The following LYZL1 variants were observed in gnomAD, a reference collection of about 807,000 sequenced individuals.
LYZL1 encodes the protein lysozyme-like protein 1.
Under a neutral mutation model 17.9 loss-of-function variants are expected in LYZL1, and 16 were observed. The observed-to-expected ratio is 0.90, with a 90% CI of 0.61 to 1.36. The LOEUF (loss-of-function observed/expected upper bound fraction) is 1.36, where lower values mean the gene tolerates loss of function less well. Among genes scored for constraint, LYZL1 ranks in the 40% most tolerant of loss-of-function variants. The probability of loss-of-function intolerance (pLI) is 0.00; values close to 1 mark genes in which losing one functional copy is unlikely to be tolerated. For missense variants in LYZL1, 149 were observed against 188.4 expected (o/e 0.79, Z 1.22); for synonymous variants, 58 against 71.8 (o/e 0.81, Z 0.97).
At chr10:29,300,805 T>G (rs1364005782) in intron 3 of LYZL1, among the ~76,000 whole-genome samples, 1 of 152,202 alleles carries the variant, frequency 6.6e-6, no homozygotes, top group African/African-American at 2.4e-5. Context: ...AATTCTGGGA[T>G]GACAGTTGTT....
At chr10:29,292,471 C>G (rs1237747826) in intron 2 of LYZL1, 48 bp from the exon 3 acceptor site, 13 of 1,601,212 alleles carry the variant, frequency 8.1e-6, no homozygotes, top group Non-Finnish European at 1.1e-5. Context: ...AAGCTTAGAG[C>G]AAAAGATGCA....
intron 3 of LYZL1, among the ~76,000 whole-genome samples, chr10:29,295,393 G>A (rs751891359): frequency 6.6e-6 from 1 of 152,186 alleles, no homozygotes; most frequent in Non-Finnish European, 1.5e-5. Flanking sequence ...AAAACATTCA[G>A]TATATTCACT....
In LYZL1 at chr10:29,311,094, C is replaced by A. The variant is rs749499362; in HGVS notation, c.*35C>A. The A allele has an allele frequency of 1.2e-6, 2 of 1,614,096 alleles. No homozygotes were observed. The highest frequency in any genetic ancestry group is 2.2e-5 in the East Asian group (1 of 44,884). ...GGACCCAGGATGCTTTGCAGCAACGCCCTAGGATTTGCAGTGAATGTCCAA... is the reference window on the plus strand; with the variant it reads ...GGACCCAGGATGCTTTGCAGCAACGACCTAGGATTTGCAGTGAATGTCCAA... On this transcript the variant is annotated 3_prime_UTR_variant, in exon 5 of 5. Transcript: ENST00000649382.
chr10:29,293,863 A>T (rs889741862), intron 3 of LYZL1, among the ~76,000 whole-genome samples: 1 of 151,878 alleles, frequency 6.6e-6, no homozygotes, highest in Non-Finnish European at 1.5e-5. Context: ...AATCCCAGCT[A>T]CTCGGGAGGC....
chr10:29,310,029 G>A (rs1244539861), intron 3 of LYZL1, 81 bp from the exon 4 acceptor site: 4 of 979,282 alleles, frequency 4.1e-6, no homozygotes, highest in Non-Finnish European at 6.2e-6. Flanking sequence ...AAAAGACTGA[G>A]AAAAGTGAAG....
intron 3 of LYZL1, among the ~76,000 whole-genome samples, chr10:29,295,311 C>T (rs900188364): frequency 6.6e-6 from 1 of 152,198 alleles, no homozygotes; most frequent in African/African-American, 2.4e-5. Context: ...TTATGTTACA[C>T]ATAAAAACTT....
At chr10:29,314,691 A>G (rs16930161), downstream of LYZL1, among the ~76,000 whole-genome samples, 5,347 of 152,322 alleles carry the variant, frequency 0.035, 159 homozygotes, top group South Asian at 0.079. Flanking sequence ...AAGTTTACAA[A>G]TAAGACCTTG....
chr10:29,289,999 T>C (rs988238533), intron 1 of LYZL1, among the ~76,000 whole-genome samples: 1 of 152,198 alleles, frequency 6.6e-6, no homozygotes, highest in Non-Finnish European at 1.5e-5. Context: ...GTAATGTACA[T>C]GCCCCTCATG....
intron 3 of LYZL1, among the ~76,000 whole-genome samples, chr10:29,302,524 A>G (rs56060388): frequency 0.047 from 7,210 of 152,284 alleles, 175 homozygotes; most frequent in Middle Eastern, 0.12. Flanking sequence ...GCATTTGCGC[A>G]GTAGCTGTAC....
chr10:29,318,006 G>A (rs1361662840), intron 4 of LYZL1: 2 of 209,896 alleles, frequency 9.5e-6, no homozygotes, highest in East Asian at 3.7e-4. Flanking sequence ...CTATAATTTT[G>A]TAATAGGTGA....
In LYZL1 at chr10:29,297,084, G is replaced by GAA. The variant is rs35535332; in HGVS notation, c.298+4421_298+4422dup. 4.8e-3 allele frequency among the ~76,000 whole-genome samples: 586 copies of GAA among 123,094 alleles called. 8 individuals carry two copies. In the South Asian group the frequency reaches 0.049, roughly 10 times the overall value. 80.8% of individuals were successfully genotyped at this position (123,094 alleles called of 152,430 possible). On this transcript the variant is annotated intron_variant, in intron 3 of 4. Coordinates refer to ENST00000649382, the MANE Select transcript of LYZL1 (RefSeq NM_032517.6). ...TGAAACAAAGCAAGATGCTTTTTTTGAAAAAAAAAAAAAAAGAGAGAAAAA... is the reference window on the plus strand; with the variant it reads ...TGAAACAAAGCAAGATGCTTTTTTTGAAAAAAAAAAAAAAAAAGAGAGAAAAA...
At chr10:29,312,370 T>C (rs1304471664), downstream of LYZL1, among the ~76,000 whole-genome samples, 3 of 151,358 alleles carry the variant, frequency 2.0e-5, no homozygotes, top group East Asian at 1.9e-4. Context: ...TATTAGAGCA[T>C]TATGAGATTT....
chr10:29,298,322 T>C (rs181469320), intron 3 of LYZL1, among the ~76,000 whole-genome samples: 1 of 152,320 alleles, frequency 6.6e-6, no homozygotes, highest in African/African-American at 2.4e-5. Context: ...CTTCAAGGGA[T>C]GTGACTTGTG....
intron 3 of LYZL1, 49 bp from the exon 4 acceptor site, chr10:29,310,061 C>A (rs777644717): frequency 7.2e-7 from 1 of 1,386,046 alleles, no homozygotes; most frequent in Non-Finnish European, 1.0e-6. Flanking sequence ...TGAGGTCCCT[C>A]TCCAACAACA....
chr10:29,310,492 T>C, intron 4 of LYZL1, among the ~76,000 whole-genome samples: 1 of 147,806 alleles, frequency 6.8e-6, no homozygotes, highest in East Asian at 1.9e-4. Flanking sequence ...CTGAATCAAT[T>C]CGAGAGAGGA....
At chr10:29,297,517 T>TA (rs1835462538) in intron 3 of LYZL1, among the ~76,000 whole-genome samples, 1 of 152,224 alleles carries the variant, frequency 6.6e-6, no homozygotes, top group Non-Finnish European at 1.5e-5. Context: ...TCATAACTTT[T>TA]AAATTGCATG....
At chr10:29,289,259 C>G in intron 1 of LYZL1, 29 bp downstream of exon 1, 1 of 460,012 alleles carries the variant, frequency 2.2e-6, no homozygotes. Context: ...TTATGAGAAC[C>G]AGCAATGGCA....
downstream of LYZL1, among the ~76,000 whole-genome samples, chr10:29,315,931 G>A (rs977600419): frequency 1.4e-4 from 22 of 152,046 alleles, no homozygotes; most frequent in African/African-American, 5.1e-4. Context: ...TCAGCCCCCC[G>A]GTGATGCTTC....
At chr10:29,309,445 T>G (rs898972270) in intron 3 of LYZL1, among the ~76,000 whole-genome samples, 2 of 152,216 alleles carry the variant, frequency 1.3e-5, no homozygotes, top group African/African-American at 4.8e-5. Flanking sequence ...CAAAGAGAAC[T>G]TATATGTCAA....
Sources: gnomAD v4.1 joint callset for allele counts (sites outside exome capture counted in the v4.1 genomes callset) on GRCh38, gnomAD v4.1.1 for gene constraint, MANE v1.5 for transcripts, NCBI Gene and HGNC (gene_info 2026-07-23, HGNC 2026-07-21) for gene names.